SLC15A4: variants seen among roughly 807,000 people sequenced by gnomAD.
The protein encoded by SLC15A4 is hPHT1.
Under a neutral mutation model 46.1 loss-of-function variants are expected in SLC15A4, and 26 were observed. That is an observed-to-expected ratio of 0.56 (90% CI 0.41 to 0.78). The LOEUF (loss-of-function observed/expected upper bound fraction) is 0.78. SLC15A4 is among the 30% of genes least tolerant of loss of function. The probability of loss-of-function intolerance (pLI) is 0.00; values close to 1 mark genes in which losing one functional copy is unlikely to be tolerated. For synonymous variants in SLC15A4, 370 were observed against 333.4 expected, an observed-to-expected ratio of 1.11 and a Z score of -1.20; for missense variants, 751 against 755.7, an observed-to-expected ratio of 0.99 and a Z score of 0.07.
intron 1 of SLC15A4, chr12:128,819,566 C>A (rs1322111195): frequency 6.6e-6 from 1 of 152,142 alleles, no homozygotes; most frequent in Admixed American, 6.5e-5. Context: ...AGCTAATAGG[C>A]GGTCTACAAA....
rs1196335064 is a variant in SLC15A4, at chr12:128,823,913, G to C, written c.31C>G (p.Arg11Gly). Residue 11 changes from arginine (R) to glycine (G), a missense_variant, in exon 1 of 8, where the codon CGG becomes GGG. Arg to Gly is a moderately radical substitution (Grantham distance 125, BLOSUM62 -2). Transcript: ENST00000266771. MEGSGGGAGE[R>G]APLLGARRAA... is the part of the protein sequence containing the mutation. Reference sequence around the variant, plus strand: ...CGCCGCGCGCCCAGCAGCGGCGCCCGCTCGCCCGCACCGCCCCCAGAGCCC... The same window carrying C: ...CGCCGCGCGCCCAGCAGCGGCGCCCCCTCGCCCGCACCGCCCCCAGAGCCC... 11 of 811,810 alleles carry C rather than the reference G, an allele frequency of 1.4e-5. No homozygotes were observed. The highest frequency in any genetic ancestry group is 1.6e-5 in the Non-Finnish European group (11 of 673,424). The allele number at this position is 811,810 out of a possible 1,614,324, so 50.3% of individuals were successfully genotyped here.
chr12:128,800,955 G>C lies in SLC15A4; in HGVS notation c.1313C>G (p.Thr438Ser). 6.2e-7 allele frequency: 1 copy of C among 1,614,108 alleles called. No homozygotes were observed. Among genetic ancestry groups the C allele is most frequent in the Non-Finnish European group, 8.5e-7 (1 of 1,180,012 alleles). Residue 438 changes from threonine to serine, a missense_variant, in exon 6 of 8, where the codon ACC becomes AGC. Physicochemically the swap from Thr to Ser is moderately conservative, Grantham distance 58 (BLOSUM62 1). Coordinates refer to ENST00000266771, the MANE Select transcript of SLC15A4 (RefSeq NM_145648.4). ...NLVKEKTINQ[T>S]IGNVVYHAAD... ...AGCATGGTAGACGACGTTGCCGATG[G>C]TCTGATTAATGGTTTTCTCTTTAAC...
intron 5 of SLC15A4, among the ~76,000 whole-genome samples, chr12:128,807,392 A>G (rs1365151156): frequency 6.6e-6 from 1 of 152,240 alleles, no homozygotes; most frequent in African/African-American, 2.4e-5. Flanking sequence ...AAAGGAGCCC[A>G]AACCAAGTAT....
At position 128,794,079 on chromosome 12, in the gene SLC15A4, T is replaced by C. The variant is rs958619004; in HGVS notation, c.*117A>G. 51 of 1,043,754 alleles carry C rather than the reference T, an allele frequency of 4.9e-5. No individual in the cohort carries two copies. Among genetic ancestry groups the C allele is most frequent in the Non-Finnish European group, 6.8e-5 (49 of 717,460 alleles). The allele number at this position is 1,043,754 out of a possible 1,614,324, so 64.7% of individuals were successfully genotyped here. A position where few individuals can be genotyped will look rare whatever the true frequency, so the allele number is the denominator to read the frequency against. On this transcript the variant is annotated 3_prime_UTR_variant, in exon 8 of 8. Coordinates refer to ENST00000266771, the MANE Select transcript of SLC15A4 (RefSeq NM_145648.4). Reference sequence around the variant, plus strand: ...AAAGAAGAAATCAATCCAGGCAACATGCAAGTTTCAGTGAAGTCAGACATT... The same window carrying C: ...AAAGAAGAAATCAATCCAGGCAACACGCAAGTTTCAGTGAAGTCAGACATT...
chr12:128,822,248 C>A (rs549788186), intron 1 of SLC15A4, among the ~76,000 whole-genome samples: 1 of 152,374 alleles, frequency 6.6e-6, no homozygotes, highest in African/African-American at 2.4e-5. Context: ...GTTACAGTTG[C>A]AGGGGAGCAG....
At chr12:128,823,258 G>A (rs1955875518) in intron 1 of SLC15A4, 140 bp downstream of exon 1, 3 of 808,474 alleles carry the variant, frequency 3.7e-6, no homozygotes, top group Non-Finnish European at 5.2e-6. Flanking sequence ...CTGCTGGCGG[G>A]ATTCCTCGGC....
At chr12:128,806,509 T>G (rs1027509466) in intron 5 of SLC15A4, among the ~76,000 whole-genome samples, 1 of 152,220 alleles carries the variant, frequency 6.6e-6, no homozygotes, top group Non-Finnish European at 1.5e-5. Context: ...TTCAAATCTC[T>G]ACTCAAAGAC....
intron 1 of SLC15A4, among the ~76,000 whole-genome samples, chr12:128,816,924 T>C (rs1955761142): frequency 6.6e-6 from 1 of 152,198 alleles, no homozygotes; most frequent in Non-Finnish European, 1.5e-5. Flanking sequence ...AAAGATTAAA[T>C]CAGAGGAGTA....
chr12:128,804,082 A>G (rs1224419968), intron 5 of SLC15A4, among the ~76,000 whole-genome samples: 1 of 152,322 alleles, frequency 6.6e-6, no homozygotes, highest in Middle Eastern at 3.4e-3. Context: ...GTAGTATTAC[A>G]ATACATGAAT....
chr12:128,809,225 G>T, intron 4 of SLC15A4, 171 bp downstream of exon 4: 3 of 586,986 alleles, frequency 5.1e-6, no homozygotes, highest in Non-Finnish European at 8.8e-6. Context: ...TCTAGCAAAT[G>T]ATACAACCAA....
At chr12:128,801,186 A>C in intron 5 of SLC15A4, 177 bp from the exon 6 acceptor site, 1 of 579,270 alleles carries the variant, frequency 1.7e-6, no homozygotes, top group Non-Finnish European at 3.0e-6. Context: ...CCTCCTAAGC[A>C]GGCTGAGTGG....
chr12:128,794,390 T>C (rs977286159), intron 7 of SLC15A4, 34 bp from the exon 8 acceptor site: 1 of 1,588,692 alleles, frequency 6.3e-7, no homozygotes, highest in Non-Finnish European at 8.6e-7. Context: ...GCAGGTAAGC[T>C]GCGCTGCTAC....
At chr12:128,803,185 AAACTGAGTATTACGGTT>A (rs1217775094) in intron 5 of SLC15A4, among the ~76,000 whole-genome samples, 1 of 152,190 alleles carries the variant, frequency 6.6e-6, no homozygotes, top group Admixed American at 6.5e-5. Context: ...AAAATAAACA[AAACTGAGTATTACGGTT>A]AATACACAGA....
rs777480895 is a variant in SLC15A4, at chr12:128,808,845, A to T, written c.1201T>A (p.Ser401Thr). 1.2e-6 allele frequency: 2 copies of T among 1,614,196 alleles called. No individual in the cohort carries two copies. Among genetic ancestry groups the T allele is most frequent in the South Asian group, 2.2e-5 (2 of 91,090 alleles). Residue 401 changes from serine (S) to threonine (T), a missense_variant, in exon 5 of 8, where the codon TCC becomes ACC. Physicochemically the swap from Ser to Thr is moderately conservative, Grantham distance 58. Transcript: ENST00000266771. ...ILRRHGLLPS[S>T]LKRIAVGMFF... ...ATGCCCACGGCGATCCTCTTCAGGG[A>T]GGATGGGAGCAGGCCATGTCTTCTC...
chr12:128,801,468 A>G lies in SLC15A4; in HGVS notation c.1259-459T>C, dbSNP rs149019694. The G allele has an allele frequency of 4.4e-3, 687 of 155,192 alleles. 4 individuals are homozygous for G. Among genetic ancestry groups the G allele is most frequent in the African/African-American group, 0.016 (648 of 41,580 alleles). The allele number at this position is 155,192 out of a possible 1,614,324, so 9.6% of individuals were successfully genotyped here. A position where few individuals can be genotyped will look rare whatever the true frequency, so the allele number is the denominator to read the frequency against. The stretch of plus-strand genomic sequence containing the variant: ...TCTACTGATTTATTATTATAACAAC[A>G]AATGATGATAATAATGATGATGATG... On this transcript the variant is annotated intron_variant, in intron 5 of 7. Transcript: ENST00000266771.
chr12:128,809,336 G>A, intron 4 of SLC15A4, 60 bp downstream of exon 4: 1 of 1,048,086 alleles, frequency 9.5e-7, no homozygotes, highest in Non-Finnish European at 1.4e-6. Flanking sequence ...TTGGTAGAAG[G>A]AATCCATTTA....
Position 128,823,866 on chromosome 12 carries a change from C to G in SLC15A4, c.78G>C (p.Ala26=), listed in dbSNP as rs1396100790. 6.7e-6 allele frequency: 7 copies of G among 1,040,028 alleles called. No individual in the cohort carries two copies. The highest frequency in any genetic ancestry group is 4.5e-5 in the South Asian group (1 of 22,296). The allele number at this position is 1,040,028 out of a possible 1,614,324, so 64.4% of individuals were successfully genotyped here. ...GARRAAAAAA[A]AGAFAGRRAA... Reference sequence around the variant, plus strand: ...CGCGCCGGCCCGCGAACGCCCCAGCCGCCGCCGCGGCCGCCGCCGCCCGCC... The same window carrying G: ...CGCGCCGGCCCGCGAACGCCCCAGCGGCCGCCGCGGCCGCCGCCGCCCGCC... The change falls in exon 1 of 8, where the codon GCG becomes GCC. Residue 26 remains alanine, a synonymous_variant. Coordinates refer to ENST00000266771, the MANE Select transcript of SLC15A4 (RefSeq NM_145648.4).
intron 7 of SLC15A4, among the ~76,000 whole-genome samples, chr12:128,796,465 C>T (rs947136928): frequency 1.5e-5 from 2 of 134,958 alleles, no homozygotes; most frequent in Non-Finnish European, 3.2e-5. Flanking sequence ...AAAACCCACA[C>T]ATCTGTATGG....
intron 3 of SLC15A4, 172 bp downstream of exon 3, chr12:128,809,771 A>T: frequency 1.6e-6 from 1 of 613,478 alleles, no homozygotes; most frequent in Non-Finnish European, 2.8e-6. Flanking sequence ...CTTTAGACAT[A>T]GTTAAAGCAG....
Sources: allele counts gnomAD v4.1 joint callset (sites outside exome capture counted in the v4.1 genomes callset), GRCh38; gene constraint gnomAD v4.1.1; transcripts MANE v1.5; gene names NCBI Gene and HGNC (gene_info 2026-07-23, HGNC 2026-07-21).